MACF1: variants seen among roughly 807,000 people sequenced by gnomAD.
MACF1 encodes the protein microtubule actin crosslinking factor 1.
Under a neutral mutation model 854.8 loss-of-function variants are expected in MACF1, and 193 were observed. That is an observed-to-expected ratio of 0.23 (90% CI 0.20 to 0.25). The LOEUF is 0.25. Ranked by LOEUF, MACF1 falls within the 10% of genes least tolerant of loss-of-function variation. The pLI is 1.00. For missense variants in MACF1, 7,722 were observed against 8,929.1 expected (o/e 0.86, Z 5.45); for synonymous variants, 3,185 against 3,226.7 (o/e 0.99, Z 0.44).
At chr1:39,343,945 G>T (rs375667727) in intron 40 of MACF1, among the ~76,000 whole-genome samples, 68 of 151,812 alleles carry the variant, frequency 4.5e-4, no homozygotes, top group African/African-American at 1.4e-3. Flanking sequence ...AAGAAACCCC[G>T]TCTCTACTAA....
chr1:39,300,983 T>G (rs1646028020), intron 22 of MACF1, among the ~76,000 whole-genome samples: 1 of 152,120 alleles, frequency 6.6e-6, no homozygotes, highest in Admixed American at 6.5e-5. Context: ...GATCGCACTG[T>G]TTGCACTCTA....
chr1:39,284,136 C>T lies in MACF1; in HGVS notation c.986C>T (p.Thr329Ile), dbSNP rs761528002. The T allele has an allele frequency of 2.5e-6, 4 of 1,613,940 alleles. No homozygotes were observed. The highest frequency in any genetic ancestry group is 3.4e-6 in the Non-Finnish European group (4 of 1,179,922). Residue 329 changes from threonine to isoleucine, a missense_variant, in exon 10 of 101, where the codon ACA becomes ATA. Thr to Ile is a moderately conservative substitution (Grantham distance 89). Transcript: ENST00000564288. ...DSLIPWIKQH[T>I]ILMSDKTFPQ... Reference sequence around the variant, plus strand: ...CTCATTCCCTGGATCAAACAGCATACAATACTGATGTCAGATAAAACTTTT... The same window carrying T: ...CTCATTCCCTGGATCAAACAGCATATAATACTGATGTCAGATAAAACTTTT...
rs76904083 is a variant in MACF1 at position 39,286,334 on chromosome 1, C to T, written c.1508+576C>T. 7.6e-3 allele frequency among the ~76,000 whole-genome samples: 1,150 copies of T among 152,048 alleles called. 10 individuals carry two copies. The highest frequency in any genetic ancestry group is 0.017 in the Middle Eastern group (5 of 294). On this transcript the variant is annotated intron_variant, in intron 14 of 100. Transcript: ENST00000564288. ...TGGCCCATTCTCATATATTTTAGAA[C>T]GACCTGCAGGGTTGGGACACAACAC... is the stretch of plus-strand genomic sequence containing the variant.
At chr1:39,123,722 T>A (rs531445775) in intron 2 of MACF1, among the ~76,000 whole-genome samples, 5 of 135,994 alleles carry the variant, frequency 3.7e-5, no homozygotes, top group East Asian at 2.2e-4. Flanking sequence ...GTTTTGTTTT[T>A]TTTTTTTTTT....
chr1:39,190,838 T>C (rs563126145), intron 2 of MACF1, among the ~76,000 whole-genome samples: 13 of 151,760 alleles, frequency 8.6e-5, no homozygotes, highest in Admixed American at 4.6e-4. Context: ...CTACTAAAAA[T>C]ACAAAAATTA....
intron 12 of MACF1, 31 bp from the exon 13 acceptor site, chr1:39,285,266 T>G: frequency 1.9e-6 from 3 of 1,614,182 alleles, no homozygotes; most frequent in Non-Finnish European, 2.5e-6. Context: ...CTGTGAACCT[T>G]GCACATGACT....
At position 39,442,309 on chromosome 1, in the gene MACF1, G is replaced by T; in HGVS notation, c.18937G>T (p.Ala6313Ser). The change falls in exon 76 of 101, where the codon GCC becomes TCC. Residue 6313 changes from alanine to serine, a missense_variant. Ala to Ser is a moderately conservative substitution (Grantham distance 99). This residue lies in a region of MACF1 where 2,807 missense variants were observed against 3,235.8 expected (regional missense o/e 0.87). Coordinates refer to ENST00000564288, the MANE Select transcript of MACF1 (RefSeq NM_001394062.1). Reference protein sequence around the residue: ...HLWENLGEKIAHRQHKLEGAL... With the variant: ...HLWENLGEKISHRQHKLEGAL... ...CTGGGAGAACCTGGGTGAGAAAATT[G>T]CCCACCGACAGGTAAGGCAGGTGGT... 6.3e-7 allele frequency: 1 copy of T among 1,595,324 alleles called. No homozygotes were observed. Among genetic ancestry groups the T allele is most frequent in the Non-Finnish European group, 8.5e-7 (1 of 1,173,308 alleles).
chr1:39,303,193 TGG>T, intron 23 of MACF1, 115 bp downstream of exon 23: 1 of 1,198,742 alleles, frequency 8.3e-7, no homozygotes, highest in East Asian at 2.6e-5. Flanking sequence ...AAGTTCCTCC[TGG>T]GAGAGGCTTC....
chr1:39,316,647 G>C (rs545091051), intron 28 of MACF1, 118 bp downstream of exon 28: 1 of 935,620 alleles, frequency 1.1e-6, no homozygotes, highest in African/African-American at 1.7e-5. Context: ...GAATAAGGCA[G>C]AATGTCATTA....
chr1:39,413,999 C>G, intron 58 of MACF1: 2 of 1,608,370 alleles, frequency 1.2e-6, no homozygotes, highest in Admixed American at 1.7e-5. Flanking sequence ...ACCTCCCCAG[C>G]AGCAGCAGTG....
chr1:39,269,338 A>T, intron 6 of MACF1: 2 of 1,289,766 alleles, frequency 1.6e-6, no homozygotes, highest in Non-Finnish European at 2.0e-6. Flanking sequence ...GGAAATCAAG[A>T]ACAATTTTCA....
At chr1:39,149,106 GGTGACTCTTGAATGCCGGAGAGA>G (rs945558778) in intron 2 of MACF1, among the ~76,000 whole-genome samples, 7 of 152,168 alleles carry the variant, frequency 4.6e-5, no homozygotes, top group African/African-American at 1.7e-4. Context: ...GAAGGGAGAG[GGTGACTCTTGAATGCCGGAGAGA>G]GTGACTCTTG....
In MACF1 at chr1:39,382,479, C is replaced by T. The variant is rs542632836; in HGVS notation, c.13848+327C>T. On this transcript the variant is annotated intron_variant, in intron 56 of 100. Coordinates refer to ENST00000564288, the MANE Select transcript of MACF1 (RefSeq NM_001394062.1). ...CAGCACTTTGGGAGGTCGAGGTGGG[C>T]GGGTCACAAGGTCAGGAGATCAAGA... Among the ~76,000 whole-genome samples, 11 of 151,032 alleles carry T rather than the reference C, an allele frequency of 7.3e-5. No homozygotes were observed. The South Asian group carries it at 1.3e-3, about 17-fold the overall frequency.
intron 2 of MACF1, among the ~76,000 whole-genome samples, chr1:39,244,395 C>T (rs1400910096): frequency 6.6e-6 from 1 of 152,086 alleles, no homozygotes; most frequent in Admixed American, 6.6e-5. Flanking sequence ...GATTTTCCTG[C>T]CTTAGCCTCC....
chr1:39,109,275 T>C (rs1165320926), intron 2 of MACF1, among the ~76,000 whole-genome samples: 2 of 151,560 alleles, frequency 1.3e-5, no homozygotes, highest in African/African-American at 4.9e-5. Flanking sequence ...TTTATTTTAC[T>C]TTACTTTATT....
At chr1:39,380,524 T>C in intron 55 of MACF1, 151 bp downstream of exon 55, 1 of 793,170 alleles carries the variant, frequency 1.3e-6, no homozygotes, top group Non-Finnish European at 1.9e-6. Flanking sequence ...AGCATGAGCC[T>C]GAATTGGGAA....
At chr1:39,265,194 G>A (rs1385442576) in intron 6 of MACF1, among the ~76,000 whole-genome samples, 1 of 152,134 alleles carries the variant, frequency 6.6e-6, no homozygotes, top group Non-Finnish European at 1.5e-5. Context: ...ACAGTTTTGT[G>A]CACTTTATGG....
intron 36 of MACF1, among the ~76,000 whole-genome samples, chr1:39,329,778 A>G (rs1304477387): frequency 6.6e-6 from 1 of 152,260 alleles, no homozygotes. Flanking sequence ...AAAAGATCTC[A>G]AAAATGAGAA....
Position 39,161,557 on chromosome 1 carries a change from C to T in MACF1, c.221-69625C>T, listed in dbSNP as rs1204483874. On this transcript the variant is annotated intron_variant, in intron 2 of 93. Transcript: ENST00000361689. ...CTGTCTCTAAAAACAAGCAAACAAACAAAAAAACAATACAAAAACTAGCCG... is the reference window on the plus strand; with the variant it reads ...CTGTCTCTAAAAACAAGCAAACAAATAAAAAAACAATACAAAAACTAGCCG... Among the ~76,000 whole-genome samples, 6 of 151,788 alleles carry T rather than the reference C, an allele frequency of 4.0e-5. No individual in the cohort carries two copies. The South Asian group carries it at 6.3e-4, about 16-fold the overall frequency.
Sources: gnomAD v4.1 joint callset for allele counts (sites outside exome capture counted in the v4.1 genomes callset) on GRCh38, gnomAD v4.1.1 for gene constraint, gnomAD v4.1.1 regional missense constraint, MANE v1.5 for transcripts, NCBI Gene and HGNC (gene_info 2026-07-23, HGNC 2026-07-21) for gene names.